The following ANKRD17 variants were observed in gnomAD, a reference collection of about 807,000 sequenced individuals.
The protein encoded by ANKRD17 is ankyrin repeat domain 17.
In ANKRD17, 19 loss-of-function variants were observed where a neutral mutation model predicts 229.7. That is an observed-to-expected ratio of 0.08 (90% confidence interval 0.06 to 0.12). ANKRD17 has a LOEUF of 0.12. ANKRD17 is among the 10% of genes least tolerant of loss of function. ANKRD17 has a pLI of 1.00. For synonymous variants in ANKRD17, 1,112 were observed against 1,146.1 expected (o/e 0.97, Z 0.60); for missense variants, 2,176 against 3,176.8 (o/e 0.68, Z 7.57).
At chr4:73,086,922 ATATATATATATATATATAT>A in intron 29 of ANKRD17, among the ~76,000 whole-genome samples, 1 of 50,956 alleles carries the variant, frequency 2.0e-5, no homozygotes, top group African/African-American at 8.9e-5. Flanking sequence ...AAAAAAAAAT[ATATATATATATATATATAT>A]ATATATATAT....
intron 25 of ANKRD17, among the ~76,000 whole-genome samples, chr4:73,101,627 T>C (rs914698605): frequency 7.6e-6 from 1 of 131,054 alleles, no homozygotes; most frequent in African/African-American, 2.9e-5. Context: ...AGCATAATAC[T>C]GCACTCCAGT....
chr4:73,234,295 C>G (rs1362385857), intron 1 of ANKRD17, among the ~76,000 whole-genome samples: 1 of 151,982 alleles, frequency 6.6e-6, no homozygotes, highest in Non-Finnish European at 1.5e-5. Flanking sequence ...AGTTCTATGC[C>G]CCCTTTTAAA....
Position 73,098,528 on chromosome 4 carries a change from A to G in ANKRD17, c.4574-8T>C. The G allele has an allele frequency of 3.7e-6, 6 of 1,606,332 alleles. No individual in the cohort carries two copies. The highest frequency in any genetic ancestry group is 5.1e-6 in the Non-Finnish European group (6 of 1,177,256). Reference sequence around the variant, plus strand: ...TCAAGACTTCAGGCTCATCTGTAAAAGTAGCAATACTGAATTAGCAAGTTC... The same window carrying G: ...TCAAGACTTCAGGCTCATCTGTAAAGGTAGCAATACTGAATTAGCAAGTTC... On this transcript the variant is annotated splice_polypyrimidine_tract_variant and splice_region_variant and intron_variant, in intron 25 of 33. Coordinates refer to ENST00000358602, the MANE Select transcript of ANKRD17 (RefSeq NM_032217.5).
At chr4:73,204,725 C>T (rs1333620436) in intron 1 of ANKRD17, among the ~76,000 whole-genome samples, 1 of 151,904 alleles carries the variant, frequency 6.6e-6, no homozygotes, top group Non-Finnish European at 1.5e-5. Context: ...ATATTCAGAC[C>T]AGAGACATAA....
rs183594113 is a variant in ANKRD17 at position 73,126,487 on chromosome 4, C to A, written c.3235-1175G>T. 4.4e-3 allele frequency among the ~76,000 whole-genome samples: 671 copies of A among 152,142 alleles called. 2 individuals carry two copies. Among genetic ancestry groups the A allele is most frequent in the Non-Finnish European group, 6.6e-3 (450 of 67,982 alleles). ...GAAATTTAAAAAAAAAAAATTGTTT[C>A]CAAGTAACTTAGCTGTATTTGAGAA... is the stretch of plus-strand genomic sequence containing the variant. On this transcript the variant is annotated intron_variant, in intron 16 of 33. Coordinates refer to ENST00000358602, the MANE Select transcript of ANKRD17 (RefSeq NM_032217.5).
intron 16 of ANKRD17, among the ~76,000 whole-genome samples, chr4:73,128,042 C>T (rs915779537): frequency 2.0e-5 from 3 of 152,102 alleles, no homozygotes; most frequent in Non-Finnish European, 4.4e-5. Context: ...GAGAGATGCA[C>T]CAACTACAAC....
At chr4:73,181,664 T>A (rs1302842957) in intron 1 of ANKRD17, among the ~76,000 whole-genome samples, 1 of 152,162 alleles carries the variant, frequency 6.6e-6, no homozygotes, top group Non-Finnish European at 1.5e-5. Flanking sequence ...GCATTTTTAT[T>A]ATATTATTCT....
chr4:73,128,740 A>G (rs919132930), intron 16 of ANKRD17, among the ~76,000 whole-genome samples: 9 of 152,194 alleles, frequency 5.9e-5, no homozygotes, highest in Non-Finnish European at 1.3e-4. Flanking sequence ...TAAAGCTAAG[A>G]AAACAGCTTT....
intron 1 of ANKRD17, among the ~76,000 whole-genome samples, chr4:73,248,759 T>C (rs1423747834): frequency 6.6e-6 from 1 of 151,986 alleles, no homozygotes; most frequent in Non-Finnish European, 1.5e-5. Flanking sequence ...ATTTTAAATA[T>C]AATTTTTTTT....
At chr4:73,194,822 T>A (rs1750088811) in intron 1 of ANKRD17, among the ~76,000 whole-genome samples, 1 of 152,144 alleles carries the variant, frequency 6.6e-6, no homozygotes, top group Non-Finnish European at 1.5e-5. Context: ...TATTTTTTCA[T>A]GTATTTAGGT....
intron 1 of ANKRD17, among the ~76,000 whole-genome samples, chr4:73,245,612 C>G (rs1744427876): frequency 2.0e-5 from 3 of 152,204 alleles, no homozygotes; most frequent in Non-Finnish European, 4.4e-5. Flanking sequence ...CCCTCACAAT[C>G]ATGTAAGCCA....
At chr4:73,159,826 A>C (rs1732256004) in intron 3 of ANKRD17, among the ~76,000 whole-genome samples, 1 of 152,192 alleles carries the variant, frequency 6.6e-6, no homozygotes, top group African/African-American at 2.4e-5. Flanking sequence ...TAAAGAAGGG[A>C]GTCAGTCAAC....
At chr4:73,101,103 T>G in intron 25 of ANKRD17, 1 of 846,652 alleles carries the variant, frequency 1.2e-6, no homozygotes, top group Non-Finnish European at 1.4e-6. Flanking sequence ...TTTATGCAAA[T>G]ATTACACCAT....
chr4:73,147,324 T>C lies in ANKRD17; in HGVS notation c.1676A>G (p.Asp559Gly). The C allele has an allele frequency of 6.2e-7, 1 of 1,610,340 alleles. No individual in the cohort carries two copies. Among genetic ancestry groups the C allele is most frequent in the Non-Finnish European group, 8.5e-7 (1 of 1,177,860 alleles). Residue 559 changes from aspartate (D) to glycine (G), a missense_variant, in exon 9 of 34, where the codon GAT (aspartate) becomes GGT (glycine). This residue lies in a region of ANKRD17 where 275 missense variants were observed against 386.9 expected (regional missense o/e 0.71). Transcript: ENST00000358602. ...AGGGGTAGAACACCCTAGTTCTATA[T>C]CGGCTCCTGCCTTAATTAGAAAGTC... ...VADFLIKAGA[D>G]IELGCSTPLM...
chr4:73,077,975 C>T lies in ANKRD17; in HGVS notation c.7409-442G>A, dbSNP rs141455386. 5.5e-3 allele frequency among the ~76,000 whole-genome samples: 839 copies of T among 152,278 alleles called. 5 individuals are homozygous for T. The highest frequency in any genetic ancestry group is 9.8e-3 in the Non-Finnish European group (665 of 68,008). On this transcript the variant is annotated intron_variant, in intron 31 of 33. Transcript: ENST00000358602. Reference sequence around the variant, plus strand: ...TTTTAGAAATGACTACGAGGCTGGGCGTGGTGGCTCATGCCTGTAATGCCA... The same window carrying T: ...TTTTAGAAATGACTACGAGGCTGGGTGTGGTGGCTCATGCCTGTAATGCCA...
intron 16 of ANKRD17, among the ~76,000 whole-genome samples, chr4:73,133,394 T>G (rs896811337): frequency 6.7e-6 from 1 of 148,788 alleles, no homozygotes; most frequent in Admixed American, 6.7e-5. Flanking sequence ...CTCGTGTTTT[T>G]TTTTTTTTTT....
Position 73,161,215 on chromosome 4 carries a change from T to C in ANKRD17, c.681A>G (p.Thr227=). ...AALTRMRAES[T]ANAGQSDNRS... is the part of the protein sequence containing the mutation. ...ACTTGTCCGACTGCCCTGCATTTGC[T>C]GTGCTTTCAGCTCTCATACGGGTAA... The change falls in exon 3 of 34, where the codon ACA becomes ACG. Residue 227 remains threonine (T), a synonymous_variant. Transcript: ENST00000358602. 6.2e-7 allele frequency: 1 copy of C among 1,614,144 alleles called. No homozygotes were observed. The highest frequency in any genetic ancestry group is 1.1e-5 in the South Asian group (1 of 91,040).
At chr4:73,115,441 C>A (rs1038345982) in intron 23 of ANKRD17, among the ~76,000 whole-genome samples, 3 of 152,098 alleles carry the variant, frequency 2.0e-5, no homozygotes, top group Non-Finnish European at 4.4e-5. Flanking sequence ...TAGGCACATG[C>A]CAACATGCCA....
chr4:73,189,117 T>G (rs1736684210), intron 1 of ANKRD17, among the ~76,000 whole-genome samples: 1 of 152,126 alleles, frequency 6.6e-6, no homozygotes. Context: ...ATTTAAGGAA[T>G]AGAGCACTAC....
Sources: gnomAD v4.1 joint callset for allele counts (sites outside exome capture counted in the v4.1 genomes callset) on GRCh38, gnomAD v4.1.1 for gene constraint, gnomAD v4.1.1 regional missense constraint, MANE v1.5 for transcripts, NCBI Gene and HGNC (gene_info 2026-07-23, HGNC 2026-07-21) for gene names.